STON1: variants seen among roughly 807,000 people sequenced by gnomAD.
STON1 encodes stonin-1.
STON1 carries 79 observed loss-of-function variants against 60.9 expected under a neutral mutation model. The ratio of observed to expected loss-of-function variants is 1.30; its 90% CI spans 1.08 to 1.56. The LOEUF (loss-of-function observed/expected upper bound fraction) is 1.56. STON1 is among the 40% of genes most tolerant of loss of function. STON1 has a pLI of 0.00. For missense variants in STON1, 1,166 were observed against 858.9 expected (o/e 1.36, Z -4.47); for synonymous variants, 363 against 306.9 (o/e 1.18, Z -1.91).
chr2:48,576,912 G>A (rs1231245532), intron 1 of STON1, among the ~76,000 whole-genome samples: 2 of 152,034 alleles, frequency 1.3e-5, no homozygotes, highest in African/African-American at 4.8e-5. Context: ...AAATTAGCCG[G>A]GCGCGGTGGC....
chr2:48,558,394 G>C (rs1672471367), intron 1 of STON1, among the ~76,000 whole-genome samples: 1 of 152,218 alleles, frequency 6.6e-6, no homozygotes. Context: ...TGTCCACAGT[G>C]ATGTGGACAT....
intron 1 of STON1, among the ~76,000 whole-genome samples, chr2:48,542,112 C>T (rs1220293984): frequency 4.6e-5 from 7 of 152,202 alleles, no homozygotes; most frequent in Non-Finnish European, 8.8e-5. Context: ...TGCATGTGTA[C>T]GTGTGTCTCT....
chr2:48,547,427 G>C (rs1410659746), intron 1 of STON1, among the ~76,000 whole-genome samples: 1 of 152,328 alleles, frequency 6.6e-6, no homozygotes, highest in South Asian at 2.1e-4. Context: ...CGCCTAAAGT[G>C]AGGCAGGAGG....
At chr2:48,593,295 A>G (rs183849332) in intron 3 of STON1, among the ~76,000 whole-genome samples, 5 of 151,132 alleles carry the variant, frequency 3.3e-5, no homozygotes, top group Admixed American at 3.3e-4. Context: ...TTTTGTGTTT[A>G]TAGTAGAGAT....
chr2:48,544,539 G>A lies in STON1; in HGVS notation c.-48+14323G>A, dbSNP rs114854410. ...CCATAAGTTTTTTTGGTTTGTTTTC[G>A]TTTTTTGTTTTGTTTTGTTTTTTTG... is the stretch of plus-strand genomic sequence containing the variant. On this transcript the variant is annotated intron_variant, in intron 1 of 3. Coordinates refer to ENST00000404752, the MANE Select transcript of STON1 (RefSeq NM_006873.4). 9.6e-3 allele frequency among the ~76,000 whole-genome samples: 1,455 copies of A among 151,876 alleles called. 25 individuals are homozygous for A. Among genetic ancestry groups the A allele is most frequent in the African/African-American group, 0.032 (1,345 of 41,442 alleles).
At chr2:48,557,302 T>G (rs1249307332) in intron 1 of STON1, among the ~76,000 whole-genome samples, 4 of 61,928 alleles carry the variant, frequency 6.5e-5, no homozygotes, top group Admixed American at 1.5e-4. Flanking sequence ...AGACGGGGTC[T>G]CGGCCGGGCA....
chr2:48,588,808 T>C (rs936016595), intron 2 of STON1, among the ~76,000 whole-genome samples: 2 of 152,190 alleles, frequency 1.3e-5, no homozygotes, highest in African/African-American at 2.4e-5. Flanking sequence ...GGTCCCTTAA[T>C]GTCCCTTCTA....
At chr2:48,579,152 T>C (rs1256083563) in intron 1 of STON1, among the ~76,000 whole-genome samples, 1 of 151,606 alleles carries the variant, frequency 6.6e-6, no homozygotes, top group African/African-American at 2.4e-5. Context: ...TACAAGTGTG[T>C]GCCACCATGC....
At chr2:48,535,721 T>A (rs1361114067) in intron 1 of STON1, among the ~76,000 whole-genome samples, 2 of 152,130 alleles carry the variant, frequency 1.3e-5, no homozygotes, top group African/African-American at 4.8e-5. Context: ...TCTAAAATGT[T>A]CCACAGGTAT....
chr2:48,565,143 C>T (rs1397603423), intron 1 of STON1, among the ~76,000 whole-genome samples: 1 of 149,976 alleles, frequency 6.7e-6, no homozygotes, highest in Non-Finnish European at 1.5e-5. Flanking sequence ...AGCTCCGCCT[C>T]CCAGGTTCAT....
At chr2:48,567,769 A>G (rs971324498) in intron 1 of STON1, among the ~76,000 whole-genome samples, 3 of 152,162 alleles carry the variant, frequency 2.0e-5, no homozygotes, top group African/African-American at 7.2e-5. Context: ...GCATGTTAAC[A>G]CACTGGCCTG....
At chr2:48,595,015 T>C (rs965392770) in intron 3 of STON1, among the ~76,000 whole-genome samples, 2 of 152,184 alleles carry the variant, frequency 1.3e-5, no homozygotes, top group African/African-American at 4.8e-5. Flanking sequence ...CTTGAAGACT[T>C]GACCCTGGCG....
At chr2:48,532,778 A>G (rs1422623118) in intron 1 of STON1, among the ~76,000 whole-genome samples, 1 of 152,130 alleles carries the variant, frequency 6.6e-6, no homozygotes, top group African/African-American at 2.4e-5. Context: ...CTGGATGGTG[A>G]GATGAAGGCT....
At chr2:48,550,499 A>G (rs1300528904) in intron 1 of STON1, among the ~76,000 whole-genome samples, 2 of 146,820 alleles carry the variant, frequency 1.4e-5, no homozygotes, top group Non-Finnish European at 3.0e-5. Flanking sequence ...CTCTATCTCA[A>G]AAAAAAAAAA....
At chr2:48,561,296 C>A (rs1672599408) in intron 1 of STON1, among the ~76,000 whole-genome samples, 1 of 152,180 alleles carries the variant, frequency 6.6e-6, no homozygotes, top group Admixed American at 6.5e-5. Flanking sequence ...CCTTTGTTTT[C>A]TAGATTATAT....
chr2:48,548,656 G>A (rs1671961222), intron 1 of STON1, among the ~76,000 whole-genome samples: 1 of 151,892 alleles, frequency 6.6e-6, no homozygotes, highest in East Asian at 1.9e-4. Context: ...GCACCAGCAT[G>A]CCTGCCTAAT....
At chr2:48,543,739 C>G (rs1237744070) in intron 1 of STON1, among the ~76,000 whole-genome samples, 1 of 152,042 alleles carries the variant, frequency 6.6e-6, no homozygotes, top group African/African-American at 2.4e-5. Context: ...TCCATGTTGA[C>G]CAGGCTGGTT....
At chr2:48,564,459 TTCTTCTTCTTC>T (rs1672765062) in intron 1 of STON1, among the ~76,000 whole-genome samples, 1 of 54,294 alleles carries the variant, frequency 1.8e-5, no homozygotes, top group African/African-American at 7.0e-5. Flanking sequence ...CTTCTTCTTC[TTCTTCTTCTTC>T]TTCTTCTTCT....
Position 48,591,688 on chromosome 2 carries a change from G to A in STON1, c.1966G>A (p.Glu656Lys). 1 of 1,613,942 alleles carries A rather than the reference G, an allele frequency of 6.2e-7. No individual in the cohort carries two copies. The highest frequency in any genetic ancestry group is 1.3e-5 in the African/African-American group (1 of 74,964). ...TCCCCATTGTCTGTCATACAAATTA[G>A]AGCTTGGATCAGACCAAGAAATTCC... is the stretch of plus-strand genomic sequence containing the variant. ...DHPHCLSYKL[E>K]LGSDQEIPSD... The change falls in exon 3 of 4, where the codon GAG (glutamate) becomes AAG (lysine). Residue 656 changes from glutamate (E) to lysine (K), a missense_variant. By Grantham distance (56) the Glu-to-Lys change is moderately conservative. Transcript: ENST00000404752.
Sources: allele counts gnomAD v4.1 joint callset (sites outside exome capture counted in the v4.1 genomes callset), GRCh38; gene constraint gnomAD v4.1.1; transcripts MANE v1.5; gene names NCBI Gene and HGNC (gene_info 2026-07-23, HGNC 2026-07-21).